IGDCC3: variants seen among roughly 807,000 people sequenced by gnomAD.
The protein encoded by IGDCC3 is putative neuronal cell adhesion molecule.
IGDCC3 carries 47 observed loss-of-function variants against 72.0 expected under a neutral mutation model. That is an observed-to-expected ratio of 0.65 (90% CI 0.52 to 0.83). IGDCC3 has a LOEUF of 0.83. IGDCC3 is among the 40% of genes least tolerant of loss of function. The pLI, the probability that IGDCC3 is intolerant of heterozygous loss-of-function variation, is 0.00. For synonymous variants in IGDCC3, 477 were observed against 472.8 expected, an observed-to-expected ratio of 1.01 and a Z score of -0.11; for missense variants, 1,038 against 1,091.3, an observed-to-expected ratio of 0.95 and a Z score of 0.69.
chr15:65,328,850 G>C lies in IGDCC3; in HGVS notation c.*59C>G. On this transcript the variant is annotated 3_prime_UTR_variant, in exon 14 of 14. Coordinates refer to ENST00000327987, the MANE Select transcript of IGDCC3 (RefSeq NM_004884.4). ...AATCCCACATGACAGTAGAAATCTTGCTTTTGACCTGAGAATGGGCCCCGC... is the reference window on the plus strand; with the variant it reads ...AATCCCACATGACAGTAGAAATCTTCCTTTTGACCTGAGAATGGGCCCCGC... The C allele has an allele frequency of 6.7e-7, 1 of 1,486,954 alleles. No individual in the cohort carries two copies. Among genetic ancestry groups the C allele is most frequent in the Non-Finnish European group, 8.9e-7 (1 of 1,118,640 alleles). The allele number at this position is 1,486,954 out of a possible 1,614,324, so 92.1% of individuals were successfully genotyped here. A position where few individuals can be genotyped will look rare whatever the true frequency, so the allele number is the denominator to read the frequency against.
At chr15:65,350,054 G>T (rs895088399) in intron 2 of IGDCC3, among the ~76,000 whole-genome samples, 1 of 152,196 alleles carries the variant, frequency 6.6e-6, no homozygotes, top group Non-Finnish European at 1.5e-5. Context: ...TTTTGGTAAA[G>T]ATCAGAAGCT....
chr15:65,329,013 C>A lies in IGDCC3; in HGVS notation c.2341G>T (p.Ala781Ser). The change falls in exon 14 of 14, where the codon GCT becomes TCT. Residue 781 changes from alanine to serine, a missense_variant. Coordinates refer to ENST00000327987, the MANE Select transcript of IGDCC3 (RefSeq NM_004884.4). This position sits in a 1 kb window ranked among gnomAD's most constrained non-coding sequence, Gnocchi z 4.1. ...CCTCCATCTGGGGGTGGTGGGGCAG[C>A]CGCCAGGCCGGCGCAGGGAGCCGTG... ...EATAPCAGLA[A>S]APPPPDGGPG... 1 of 1,611,690 alleles carries A rather than the reference C, an allele frequency of 6.2e-7. No individual in the cohort carries two copies. Among genetic ancestry groups the A allele is most frequent in the Non-Finnish European group, 8.5e-7 (1 of 1,179,192 alleles).
At chr15:65,330,014 C>G in intron 11 of IGDCC3, 150 bp from the exon 12 acceptor site, 1 of 811,390 alleles carries the variant, frequency 1.2e-6, no homozygotes, top group South Asian at 1.7e-5. Context: ...GACTCCAGAC[C>G]AATCTTTTTG....
chr15:65,331,550 C>T lies in IGDCC3; in HGVS notation c.1258G>A (p.Ala420Thr), dbSNP rs1481416862. 2 of 1,613,810 alleles carry T rather than the reference C, an allele frequency of 1.2e-6. No individual in the cohort carries two copies. The highest frequency in any genetic ancestry group is 1.7e-6 in the Non-Finnish European group (2 of 1,179,912). The change falls in exon 8 of 14, where the codon GCT (alanine) becomes ACT (threonine). Residue 420 changes from alanine (A) to threonine (T), a missense_variant. By Grantham distance (58) the Ala-to-Thr change is moderately conservative. Coordinates refer to ENST00000327987, the MANE Select transcript of IGDCC3 (RefSeq NM_004884.4). ...QASARLTVLWAEGLPGPPRNV... is the reference protein window; with the variant it reads ...QASARLTVLWTEGLPGPPRNV... ...CGGGGAGGCCCGGGGAGCCCCTCAG[C>T]CCACAGTACGGTCAGCCTGGCACTG... is the stretch of plus-strand genomic sequence containing the variant.
chr15:65,356,848 C>CTTTTTTTTTGTTTTTTTTT (rs2091225277), intron 2 of IGDCC3, among the ~76,000 whole-genome samples: 1 of 70,898 alleles, frequency 1.4e-5, no homozygotes, highest in Non-Finnish European at 2.6e-5. Context: ...AATGGACCTG[C>CTTTTTTTTTGTTTTTTTTT]TTTTTTTTTT....
rs766696253 is a variant in IGDCC3 at position 65,331,614 on chromosome 15, A to G, written c.1194T>C (p.Tyr398=). 6.2e-7 allele frequency: 1 copy of G among 1,612,986 alleles called. No individual in the cohort carries two copies. Among genetic ancestry groups the G allele is most frequent in the South Asian group, 1.1e-5 (1 of 90,912 alleles). The change falls in exon 8 of 14, where the codon TAT becomes TAC. Residue 398 remains tyrosine (Y), a synonymous_variant. Transcript: ENST00000327987. ...CCGCACTGTTCTCGGCCACACACTG[A>G]TAAATGGCTTCATCCTCAGGACCGA... is the stretch of plus-strand genomic sequence containing the variant. ...SGIGPEDEAI[Y]QCVAENSAGS... is the part of the protein sequence containing the mutation.
In IGDCC3 at chr15:65,356,848, C is replaced by CTTTTTTT. The variant is rs766472764; in HGVS notation, c.409+18242_409+18248dup. ...GATGTGAGATTTGAGAATGGACCTG[C>CTTTTTTT]TTTTTTTTTTTTTTTTTTTGAGATG... On this transcript the variant is annotated intron_variant, in intron 2 of 13. Coordinates refer to ENST00000327987, the MANE Select transcript of IGDCC3 (RefSeq NM_004884.4). Among the ~76,000 whole-genome samples, 15 of 70,872 alleles carry CTTTTTTT rather than the reference C, an allele frequency of 2.1e-4. 2 individuals carry two copies. The highest frequency in any genetic ancestry group is 5.3e-4 in the African/African-American group (8 of 15,032). The allele number at this position is 70,872 out of a possible 152,430, so 46.5% of individuals were successfully genotyped here.
rs62014999 is a variant in IGDCC3 at position 65,336,521 on chromosome 15, G to A, written c.410-565C>T. Among the ~76,000 whole-genome samples the A allele has an allele frequency of 8.2e-3, 1,242 of 151,766 alleles. 9 individuals are homozygous for A. The highest frequency in any genetic ancestry group is 0.014 in the Admixed American group (214 of 15,248). ...ACCAGGGCCCGGGAGCTTTTTTTTG[G>A]TCCCTCCTTCTCCTACTCCTCCCAC... On this transcript the variant is annotated intron_variant, in intron 2 of 13. Transcript: ENST00000327987.
At chr15:65,366,842 A>AGATGCCCCTCCTCAG (rs1436743745) in intron 2 of IGDCC3, among the ~76,000 whole-genome samples, 1 of 88,386 alleles carries the variant, frequency 1.1e-5, no homozygotes, top group African/African-American at 5.5e-5. Flanking sequence ...TCGTGAGTCC[A>AGATGCCCCTCCTCAG]GGTGCCCACA....
chr15:65,342,574 C>T (rs939284799), intron 2 of IGDCC3, among the ~76,000 whole-genome samples: 6 of 152,150 alleles, frequency 3.9e-5, no homozygotes, highest in Non-Finnish European at 8.8e-5. Flanking sequence ...GAAGCAAGGT[C>T]GTGGACTCCC....
At chr15:65,331,720 A>C in intron 7 of IGDCC3, 61 bp from the exon 8 acceptor site, 1 of 1,503,242 alleles carries the variant, frequency 6.7e-7, no homozygotes, top group Non-Finnish European at 8.9e-7. Context: ...AAATCTCCCC[A>C]TTTGAAAGAT....
At chr15:65,340,316 AGTGCT>A (rs1167673059) in intron 2 of IGDCC3, among the ~76,000 whole-genome samples, 24 of 152,078 alleles carry the variant, frequency 1.6e-4, no homozygotes, top group African/African-American at 5.6e-4. Flanking sequence ...GTCGAGGTAG[AGTGCT>A]GGGAAGGAAG....
Position 65,377,791 on chromosome 15 carries a change from G to C in IGDCC3, c.-3C>G. 8.1e-7 allele frequency: 1 copy of C among 1,231,900 alleles called. No individual in the cohort carries two copies. Among genetic ancestry groups the C allele is most frequent in the Non-Finnish European group, 1.0e-6 (1 of 987,288 alleles). 76.3% of individuals were successfully genotyped at this position (1,231,900 alleles called of 1,614,324 possible). A position where few individuals can be genotyped will look rare whatever the true frequency, so the allele number is the denominator to read the frequency against. On this transcript the variant is annotated 5_prime_UTR_variant, in exon 1 of 14. Transcript: ENST00000327987. This position sits in a 1 kb window ranked among gnomAD's most constrained non-coding sequence, Gnocchi z 4.9. ...GACGCGGCGCGCTGCACAGCCATGG[G>C]GCTCTCGGTCAGCTCGGCTCGGCGA...
At chr15:65,359,823 A>G (rs1454502570) in intron 2 of IGDCC3, among the ~76,000 whole-genome samples, 3 of 152,316 alleles carry the variant, frequency 2.0e-5, no homozygotes, top group Admixed American at 6.5e-5. Context: ...AGGGACTCAG[A>G]AGCCTGCTGA....
At chr15:65,349,879 G>A (rs978208850) in intron 2 of IGDCC3, among the ~76,000 whole-genome samples, 3 of 152,224 alleles carry the variant, frequency 2.0e-5, no homozygotes, top group East Asian at 3.8e-4. Context: ...GGCCCATCCT[G>A]TAGCTCAGTA....
intron 2 of IGDCC3, among the ~76,000 whole-genome samples, chr15:65,360,369 G>T (rs2091252755): frequency 6.6e-6 from 1 of 152,210 alleles, no homozygotes; most frequent in South Asian, 2.1e-4. Flanking sequence ...CAAGGCTGAG[G>T]ATCTTTCTAT....
intron 1 of IGDCC3, among the ~76,000 whole-genome samples, chr15:65,376,746 G>A (rs7182373): frequency 0.14 from 21,946 of 152,214 alleles, 1,766 homozygotes; most frequent in African/African-American, 0.2. Flanking sequence ...TGGTATAGCT[G>A]TCGGGAATAA....
At chr15:65,361,396 C>G (rs1168022005) in intron 2 of IGDCC3, among the ~76,000 whole-genome samples, 2 of 151,376 alleles carry the variant, frequency 1.3e-5, no homozygotes, top group Non-Finnish European at 2.9e-5. Flanking sequence ...AAGCCGCGAT[C>G]GTGCTGCTGC....
intron 2 of IGDCC3, 85 bp from the exon 3 acceptor site, chr15:65,336,041 G>A (rs565443517): frequency 3.3e-4 from 455 of 1,386,040 alleles, no homozygotes; most frequent in South Asian, 5.8e-4. Context: ...TCACAGGCAC[G>A]GAGACCTGGA....
Sources: gnomAD v4.1 joint callset for allele counts (sites outside exome capture counted in the v4.1 genomes callset) on GRCh38, gnomAD v4.1.1 for gene constraint, Gnocchi (gnomAD v3.1) non-coding constraint, MANE v1.5 for transcripts, NCBI Gene and HGNC (gene_info 2026-07-23, HGNC 2026-07-21) for gene names.